The following HOMER2 variants were observed in gnomAD, a reference collection of about 807,000 sequenced individuals.
The protein encoded by HOMER2 is homer protein homolog 2.
A neutral mutation model predicts 47.0 loss-of-function variants in HOMER2; 27 were observed. That is an observed-to-expected ratio of 0.57 (90% CI 0.42 to 0.79). The LOEUF is 0.79. HOMER2 is among the 30% of genes least tolerant of loss of function. The probability of loss-of-function intolerance (pLI) is 0.00; values close to 1 mark genes in which losing one functional copy is unlikely to be tolerated. For missense variants in HOMER2, 443 were observed against 435.0 expected (o/e 1.02, Z -0.16); for synonymous variants, 161 against 163.8 (o/e 0.98, Z 0.13).
rs536539043 is a variant in HOMER2 at position 82,868,446 on chromosome 15, G to A, written c.295-4187C>T. On this transcript the variant is annotated intron_variant, in intron 3 of 8. Coordinates refer to ENST00000450735, the MANE Select transcript of HOMER2 (RefSeq NM_004839.4). ...CTGGAGGGTGGAGGGTGGAGGGTAG[G>A]AGGAGGGAGATGATCTGGAAAAATA... Among the ~76,000 whole-genome samples the A allele has an allele frequency of 7.4e-5, 11 of 148,184 alleles. No homozygotes were observed. In the Admixed American group the frequency reaches 7.6e-4, roughly 10 times the overall value.
intron 6 of HOMER2, chr15:82,852,573 T>G: frequency 3.8e-6 from 1 of 260,620 alleles, no homozygotes; most frequent in Non-Finnish European, 7.2e-6. Flanking sequence ...AGATTCAGAT[T>G]TGCTTTAAGG....
intron 1 of HOMER2, among the ~76,000 whole-genome samples, chr15:82,963,107 GTCT>G (rs2054645643): frequency 6.6e-6 from 1 of 152,156 alleles, no homozygotes; most frequent in South Asian, 2.1e-4. Flanking sequence ...GTGAAACCTT[GTCT>G]TCTTGTTGTT....
Position 82,920,373 on chromosome 15 carries a change from A to G in HOMER2, c.6-27532T>C, listed in dbSNP as rs528902134. ...TCCCACAAACTTGGGGGCTTACATG[A>G]CAGGAATTTATTTTCTCACAGCTCT... On this transcript the variant is annotated intron_variant, in intron 1 of 8. Coordinates refer to ENST00000450735, the MANE Select transcript of HOMER2 (RefSeq NM_004839.4). Among the ~76,000 whole-genome samples, 7 of 152,280 alleles carry G rather than the reference A, an allele frequency of 4.6e-5. No individual in the cohort carries two copies. In the South Asian group the frequency reaches 1.5e-3, roughly 32 times the overall value.
intron 1 of HOMER2, among the ~76,000 whole-genome samples, chr15:82,929,613 G>A (rs531461668): frequency 6.7e-5 from 9 of 133,784 alleles, no homozygotes; most frequent in Non-Finnish European, 9.2e-5. Flanking sequence ...CCGAGATCGC[G>A]TCACTGCACA....
At chr15:82,932,303 T>C (rs1700859669) in intron 1 of HOMER2, among the ~76,000 whole-genome samples, 1 of 152,198 alleles carries the variant, frequency 6.6e-6, no homozygotes, top group Admixed American at 6.5e-5. Flanking sequence ...GCGACTAGCA[T>C]GGCCAACATG....
chr15:82,843,488 G>C (rs1290854713), exon 2 of HOMER2: 1 of 108,990 alleles, frequency 9.2e-6, no homozygotes, highest in East Asian at 2.5e-4. Flanking sequence ...GGAAAGACCT[G>C]CATAAGCATG....
intron 3 of HOMER2, among the ~76,000 whole-genome samples, chr15:82,872,433 C>A (rs948371116): frequency 7.9e-5 from 12 of 152,110 alleles, no homozygotes; most frequent in African/African-American, 2.9e-4. Context: ...AACTCTTAAC[C>A]CTTCATCAGT....
intron 6 of HOMER2, among the ~76,000 whole-genome samples, chr15:82,853,937 C>T (rs1019467901): frequency 1.3e-5 from 2 of 152,164 alleles, no homozygotes; most frequent in South Asian, 2.1e-4. Flanking sequence ...TCCAAGCAGG[C>T]GCAACTCACC....
chr15:82,976,288 T>C (rs188002252), intron 1 of HOMER2, among the ~76,000 whole-genome samples: 77 of 151,826 alleles, frequency 5.1e-4, no homozygotes, highest in African/African-American at 1.7e-3. Flanking sequence ...TCATGCACTA[T>C]TTATTTATTT....
In HOMER2 at chr15:82,841,217, T is replaced by C. The variant is rs574531786; in HGVS notation, c.*6057A>G. 2.2e-4 allele frequency: 33 copies of C among 152,272 alleles called. No homozygotes were observed. In the South Asian group the frequency reaches 3.9e-3, roughly 18 times the overall value. 9.4% of individuals were successfully genotyped at this position (152,272 alleles called of 1,614,324 possible). A position where few individuals can be genotyped will look rare whatever the true frequency, so the allele number is the denominator to read the frequency against. ...CAATCATAAATAACCACTGTTAACATTGAAAGGAGATGTATATTAAAAGAA... is the reference window on the plus strand; with the variant it reads ...CAATCATAAATAACCACTGTTAACACTGAAAGGAGATGTATATTAAAAGAA... On this transcript the variant is annotated 3_prime_UTR_variant, in exon 2 of 2. Coordinates refer to the HOMER2 transcript ENST00000558090.
rs1388357101 is a variant in HOMER2 at position 82,892,837 on chromosome 15, G to C, written c.10C>G (p.Gln4Glu). ...TGCGCTCGGGTGGTGAAGATGGGCT[G>C]TTCTCTGCAATAAGAGAGTGGGCGT... MGE[Q>E]PIFTTRAHVF... Residue 4 changes from glutamine to glutamate, a missense_variant, in exon 2 of 9, where the codon CAG (glutamine) becomes GAG (glutamate). Physicochemically the swap from Gln to Glu is conservative, Grantham distance 29. Coordinates refer to ENST00000450735, the MANE Select transcript of HOMER2 (RefSeq NM_004839.4). 13 of 1,579,526 alleles carry C rather than the reference G, an allele frequency of 8.2e-6. No homozygotes were observed. Among genetic ancestry groups the C allele is most frequent in the Non-Finnish European group, 1.1e-5 (13 of 1,156,746 alleles).
chr15:82,966,209 G>A (rs1006803432), intron 1 of HOMER2, among the ~76,000 whole-genome samples: 2 of 152,140 alleles, frequency 1.3e-5, no homozygotes, highest in Non-Finnish European at 2.9e-5. Flanking sequence ...GAGCCATTGT[G>A]CTGGAGCTCA....
intron 1 of HOMER2, among the ~76,000 whole-genome samples, chr15:82,935,093 T>G (rs2054113425): frequency 6.6e-6 from 1 of 152,188 alleles, no homozygotes; most frequent in Non-Finnish European, 1.5e-5. Context: ...CGCCTTCAAC[T>G]GGCAGCGCTC....
At chr15:82,939,275 T>C (rs1477635986) in intron 1 of HOMER2, among the ~76,000 whole-genome samples, 1 of 152,192 alleles carries the variant, frequency 6.6e-6, no homozygotes, top group African/African-American at 2.4e-5. Flanking sequence ...CAATGGTAAT[T>C]CAGCCTCTTG....
intron 8 of HOMER2, among the ~76,000 whole-genome samples, chr15:82,850,528 G>GT (rs1212549170): frequency 6.6e-6 from 1 of 152,360 alleles, no homozygotes; most frequent in South Asian, 2.1e-4. Context: ...CAGGACAGCT[G>GT]TGAGTCCTTA....
At chr15:82,947,201 A>C (rs1331867106) in intron 1 of HOMER2, among the ~76,000 whole-genome samples, 1 of 152,226 alleles carries the variant, frequency 6.6e-6, no homozygotes, top group African/African-American at 2.4e-5. Flanking sequence ...AACATATCTG[A>C]AAGACTGTAT....
At chr15:82,962,708 C>T (rs1379361043) in intron 1 of HOMER2, among the ~76,000 whole-genome samples, 1 of 152,092 alleles carries the variant, frequency 6.6e-6, no homozygotes, top group Non-Finnish European at 1.5e-5. Context: ...GGGGACATGC[C>T]TAGTTCACTT....
chr15:82,846,063 G>A (rs147212179), downstream of HOMER2: 730 of 152,320 alleles, frequency 4.8e-3, 3 homozygotes, highest in Non-Finnish European at 8.8e-3. Flanking sequence ...ATCAGGTCCC[G>A]TTCAAGCTGC....
chr15:82,951,404 T>G (rs1248071703), intron 1 of HOMER2, among the ~76,000 whole-genome samples: 2 of 152,134 alleles, frequency 1.3e-5, no homozygotes. Context: ...CTCCAGAAAC[T>G]TAACCTGGAG....
Sources: gnomAD v4.1 joint callset for allele counts (sites outside exome capture counted in the v4.1 genomes callset) on GRCh38, gnomAD v4.1.1 for gene constraint, MANE v1.5 for transcripts, NCBI Gene and HGNC (gene_info 2026-07-23, HGNC 2026-07-21) for gene names.